The following CCDC25 variants were observed in gnomAD, a reference collection of about 807,000 sequenced individuals.
CCDC25 encodes coiled-coil domain-containing protein 25.
CCDC25 carries 16 observed loss-of-function variants against 35.3 expected under a neutral mutation model. That is an observed-to-expected ratio of 0.45 (90% CI 0.31 to 0.69). The LOEUF is 0.69. Ranked by LOEUF, CCDC25 falls within the 30% of genes least tolerant of loss-of-function variation. The pLI, the probability that CCDC25 is intolerant of heterozygous loss-of-function variation, is 0.06. For missense variants in CCDC25, 179 were observed against 250.7 expected (o/e 0.71, Z 1.93); for synonymous variants, 79 against 80.3 (o/e 0.98, Z 0.09).
At chr8:27,768,195 TGGG>T (rs774000760) in intron 1 of CCDC25, among the ~76,000 whole-genome samples, 1 of 149,720 alleles carries the variant, frequency 6.7e-6, no homozygotes, top group Non-Finnish European at 1.5e-5. Flanking sequence ...CAAAAAAAAT[TGGG>T]GGACTCTGGG....
intron 7 of CCDC25, among the ~76,000 whole-genome samples, chr8:27,743,533 G>C (rs1803508335): frequency 6.6e-6 from 1 of 152,212 alleles, no homozygotes; most frequent in Admixed American, 6.5e-5. Context: ...TGCATACATA[G>C]TTCCCTCTGC....
chr8:27,751,810 T>C (rs972357013), intron 5 of CCDC25, among the ~76,000 whole-genome samples: 1 of 152,212 alleles, frequency 6.6e-6, no homozygotes, highest in African/African-American at 2.4e-5. Flanking sequence ...AAATCTTGCA[T>C]AGCAGAAATA....
Position 27,752,844 on chromosome 8 carries a change from GA to G in CCDC25, c.169-258del, listed in dbSNP as rs1414166608. The stretch of plus-strand genomic sequence containing the variant: ...AAAAAAGCAAAAAAAAACAGGAAAT[GA>G]AAAAAACTCCCAGAATATTAATTAT... On this transcript the variant is annotated intron_variant, in intron 4 of 8. Coordinates refer to ENST00000356537, the MANE Select transcript of CCDC25 (RefSeq NM_018246.3). 13 of 262,256 alleles carry G rather than the reference GA, an allele frequency of 5.0e-5. 2 individuals carry two copies. In the Middle Eastern group the frequency reaches 6.8e-3, roughly 137 times the overall value. 16.2% of individuals were successfully genotyped at this position (262,256 alleles called of 1,614,324 possible).
chr8:27,752,279 G>A (rs1803837741), intron 5 of CCDC25, among the ~76,000 whole-genome samples: 1 of 152,168 alleles, frequency 6.6e-6, no homozygotes. Flanking sequence ...ACAGTAAAAA[G>A]AGCCGAGACT....
intron 1 of CCDC25, among the ~76,000 whole-genome samples, chr8:27,766,289 G>A (rs1331641014): frequency 6.6e-6 from 1 of 152,180 alleles, no homozygotes; most frequent in Non-Finnish European, 1.5e-5. Context: ...ACACACACAT[G>A]TACCTGGAGC....
At chr8:27,772,368 T>C in intron 1 of CCDC25, 145 bp downstream of exon 1, 1 of 750,240 alleles carries the variant, frequency 1.3e-6, no homozygotes. Flanking sequence ...GGGACGGATG[T>C]GCTGGGGGAC....
rs1439278023 is a variant in CCDC25 at position 27,733,754 on chromosome 8, C to G, written c.*2462G>C. On this transcript the variant is annotated 3_prime_UTR_variant, in exon 9 of 9. Transcript: ENST00000356537. ...AAAGAAAAAGCACGCGTCAATATCA[C>G]GCGTAGGAAAAACTAGAAAATTGTT... The G allele has an allele frequency of 2.0e-5, 3 of 152,202 alleles. No individual in the cohort carries two copies. Among genetic ancestry groups the G allele is most frequent in the Non-Finnish European group, 4.4e-5 (3 of 68,048 alleles). The allele number at this position is 152,202 out of a possible 1,614,324, so 9.4% of individuals were successfully genotyped here. A position where few individuals can be genotyped will look rare whatever the true frequency, so the allele number is the denominator to read the frequency against.
In CCDC25 at chr8:27,734,172, G is replaced by A. The variant is rs1454933361; in HGVS notation, c.*2044C>T. On this transcript the variant is annotated 3_prime_UTR_variant, in exon 9 of 9. Transcript: ENST00000356537. ...CAATATTTGTTCTAGCCCAACCACGGTGACAAAGCTCCCTTGCCCAAAGAT... is the reference window on the plus strand; with the variant it reads ...CAATATTTGTTCTAGCCCAACCACGATGACAAAGCTCCCTTGCCCAAAGAT... The A allele has an allele frequency of 6.6e-6, 1 of 152,150 alleles. No individual in the cohort carries two copies. The highest frequency in any genetic ancestry group is 1.5e-5 in the Non-Finnish European group (1 of 68,032). The allele number at this position is 152,150 out of a possible 1,614,324, so 9.4% of individuals were successfully genotyped here. A position where few individuals can be genotyped will look rare whatever the true frequency, so the allele number is the denominator to read the frequency against.
At chr8:27,752,653 G>A in intron 4 of CCDC25, 66 bp from the exon 5 acceptor site, 1 of 1,246,642 alleles carries the variant, frequency 8.0e-7, no homozygotes, top group South Asian at 1.2e-5. Flanking sequence ...AGCACTCAAA[G>A]GGCATTTGCT....
intron 4 of CCDC25, among the ~76,000 whole-genome samples, chr8:27,755,117 A>C (rs1803952969): frequency 6.6e-6 from 1 of 152,144 alleles, no homozygotes; most frequent in East Asian, 1.9e-4. Flanking sequence ...TAAACTACAG[A>C]AGGATCGGTC....
chr8:27,736,007 G>A lies in CCDC25; in HGVS notation c.*209C>T, dbSNP rs182948247. On this transcript the variant is annotated 3_prime_UTR_variant, in exon 9 of 9. Transcript: ENST00000356537. The stretch of plus-strand genomic sequence containing the variant: ...ACATTTTCACTTTAAGTTATATGCT[G>A]TCAAGTTCAACTATTTTATACATAT... 2.9e-4 allele frequency: 140 copies of A among 489,358 alleles called. No individual in the cohort carries two copies. Among genetic ancestry groups the A allele is most frequent in the Non-Finnish European group, 4.1e-4 (114 of 275,962 alleles). 30.3% of individuals were successfully genotyped at this position (489,358 alleles called of 1,614,324 possible).
chr8:27,757,781 C>T (rs1161354107), intron 3 of CCDC25, among the ~76,000 whole-genome samples: 3 of 152,126 alleles, frequency 2.0e-5, no homozygotes, highest in Non-Finnish European at 2.9e-5. Flanking sequence ...AGTCTCATGT[C>T]GAATTGTAAT....
chr8:27,755,662 A>C (rs1784992737), intron 4 of CCDC25, among the ~76,000 whole-genome samples: 1 of 152,220 alleles, frequency 6.6e-6, no homozygotes, highest in Non-Finnish European at 1.5e-5. Context: ...ATCAAGGCTC[A>C]CGTCATCAAT....
chr8:27,749,494 G>T (rs1803721031), intron 5 of CCDC25, among the ~76,000 whole-genome samples: 1 of 152,190 alleles, frequency 6.6e-6, no homozygotes, highest in Admixed American at 6.5e-5. Context: ...GCTCCAAAGT[G>T]CATGATGGGA....
intron 7 of CCDC25, among the ~76,000 whole-genome samples, chr8:27,741,666 A>G (rs1435983537): frequency 6.6e-6 from 1 of 152,234 alleles, no homozygotes; most frequent in Non-Finnish European, 1.5e-5. Context: ...CGACAGAGCA[A>G]GACTCCATCT....
chr8:27,772,404 G>A (rs1190774472), intron 1 of CCDC25, 109 bp downstream of exon 1: 3 of 1,085,618 alleles, frequency 2.8e-6, no homozygotes, highest in African/African-American at 1.6e-5. Context: ...AGAGGCACTC[G>A]CATCCAGAAG....
At chr8:27,748,698 CT>C in intron 5 of CCDC25, 100 bp from the exon 6 acceptor site, 1 of 848,410 alleles carries the variant, frequency 1.2e-6, no homozygotes, top group Non-Finnish European at 1.9e-6. Context: ...AGGGAAACGG[CT>C]TAGAACGAAC....
At chr8:27,763,745 G>A (rs944494609) in intron 2 of CCDC25, among the ~76,000 whole-genome samples, 1 of 151,904 alleles carries the variant, frequency 6.6e-6, no homozygotes, top group Non-Finnish European at 1.5e-5. Context: ...AATAAATTGT[G>A]AATGATTCAT....
chr8:27,741,361 T>TA (rs1803430871), intron 7 of CCDC25, among the ~76,000 whole-genome samples: 1 of 152,156 alleles, frequency 6.6e-6, no homozygotes, highest in South Asian at 2.1e-4. Flanking sequence ...GACTTATTCA[T>TA]CAATAACTAT....
Sources: allele counts gnomAD v4.1 joint callset (sites outside exome capture counted in the v4.1 genomes callset), GRCh38; gene constraint gnomAD v4.1.1; transcripts MANE v1.5; gene names NCBI Gene and HGNC (gene_info 2026-07-23, HGNC 2026-07-21).